Variants in PHIP observed in about 807,000 individuals in gnomAD.
The protein encoded by PHIP is PHIP subunit of CUL4-Ring ligase complex.
A neutral mutation model predicts 236.8 loss-of-function variants in PHIP; 54 were observed. That is an observed-to-expected ratio of 0.23 (90% CI 0.18 to 0.29). The LOEUF (loss-of-function observed/expected upper bound fraction) is 0.29, where lower values mean the gene tolerates loss of function less well. PHIP is among the 10% of genes least tolerant of loss of function. The pLI, the probability that PHIP is intolerant of heterozygous loss-of-function variation, is 1.00. For synonymous variants in PHIP, 756 were observed against 718.9 expected (o/e 1.05, Z -0.83); for missense variants, 1,370 against 2,190.8 (o/e 0.63, Z 7.48).
chr6:78,978,003 A>G (rs1213569641), intron 24 of PHIP, among the ~76,000 whole-genome samples: 3 of 152,184 alleles, frequency 2.0e-5, no homozygotes, highest in African/African-American at 4.8e-5. Context: ...AAATTTGTGT[A>G]CAAAACAAGG....
intron 4 of PHIP, among the ~76,000 whole-genome samples, chr6:79,064,184 T>A (rs936739193): frequency 6.6e-6 from 1 of 152,168 alleles, no homozygotes; most frequent in African/African-American, 2.4e-5. Context: ...CTTCTCTGAC[T>A]GCACGGAAAT....
chr6:79,048,449 T>TA (rs910116779), intron 6 of PHIP, among the ~76,000 whole-genome samples: 32 of 151,958 alleles, frequency 2.1e-4, no homozygotes, highest in African/African-American at 6.0e-4. Flanking sequence ...AAATACATGA[T>TA]AAAAAAAACC....
chr6:78,953,756 T>C (rs1160088645), intron 35 of PHIP, among the ~76,000 whole-genome samples: 1 of 152,186 alleles, frequency 6.6e-6, no homozygotes, highest in African/African-American at 2.4e-5. Context: ...CGGCTAATTT[T>C]TGTACTTTTA....
intron 30 of PHIP, 66 bp from the exon 31 acceptor site, chr6:78,961,876 G>C: frequency 7.8e-7 from 1 of 1,281,526 alleles, no homozygotes; most frequent in Non-Finnish European, 1.1e-6. Context: ...GAAGAATTCT[G>C]CTTGAATTAA....
Position 78,939,575 on chromosome 6 carries a change from A to G in PHIP, c.*1118T>C, listed in dbSNP as rs1018040011. The G allele has an allele frequency of 1.1e-4, 16 of 151,952 alleles. No individual in the cohort carries two copies. Among genetic ancestry groups the G allele is most frequent in the African/African-American group, 3.1e-4 (13 of 41,438 alleles). The allele number at this position is 151,952 out of a possible 1,614,324, so 9.4% of individuals were successfully genotyped here. The stretch of plus-strand genomic sequence containing the variant: ...AGAATTTATACCTGGGTAATAGTAT[A>G]TAAGTATGTGTTTGTATATATATTT... On this transcript the variant is annotated 3_prime_UTR_variant, in exon 40 of 40. Transcript: ENST00000275034.
At chr6:79,069,163 ACATT>A (rs1773767655) in intron 4 of PHIP, among the ~76,000 whole-genome samples, 1 of 148,382 alleles carries the variant, frequency 6.7e-6, no homozygotes, top group African/African-American at 2.4e-5. Flanking sequence ...TATTGTATAT[ACATT>A]AATTATATTT....
In PHIP at chr6:78,970,842, C is replaced by T. The variant is rs150931905; in HGVS notation, c.2936G>A (p.Arg979Gln). ...QGHEAYVEMA[R>Q]KNKIYSINPK... Reference sequence around the variant, plus strand: ...ATTGATACTATATATTTTATTTTTCCGGGCCATTTCGACATAGGCTTCATG... The same window carrying T: ...ATTGATACTATATATTTTATTTTTCTGGGCCATTTCGACATAGGCTTCATG... Residue 979 changes from arginine to glutamine, a missense_variant, in exon 25 of 40, where the codon CGG becomes CAG. Coordinates refer to ENST00000275034, the MANE Select transcript of PHIP (RefSeq NM_017934.7). 5.0e-5 allele frequency: 81 copies of T among 1,610,662 alleles called. No homozygotes were observed. The highest frequency in any genetic ancestry group is 3.5e-5 in the Non-Finnish European group (41 of 1,178,628).
intron 7 of PHIP, among the ~76,000 whole-genome samples, chr6:79,029,417 A>AGAC (rs1771555523): frequency 6.7e-6 from 1 of 148,650 alleles, no homozygotes; most frequent in African/African-American, 2.5e-5. Context: ...TAAGATGACT[A>AGAC]TACAATATAC....
At chr6:79,072,116 C>T (rs1328202532) in intron 4 of PHIP, among the ~76,000 whole-genome samples, 2 of 152,272 alleles carry the variant, frequency 1.3e-5, no homozygotes, top group East Asian at 1.9e-4. Context: ...TCTTCTCTGA[C>T]AGTTTCCAAA....
intron 6 of PHIP, among the ~76,000 whole-genome samples, chr6:79,053,944 A>G (rs1296391020): frequency 6.6e-6 from 1 of 152,174 alleles, no homozygotes; most frequent in Non-Finnish European, 1.5e-5. Flanking sequence ...AAACACAGCT[A>G]GCTACAAAAG....
chr6:79,050,328 C>T (rs915713362), intron 6 of PHIP, among the ~76,000 whole-genome samples: 1 of 152,142 alleles, frequency 6.6e-6, no homozygotes, highest in Non-Finnish European at 1.5e-5. Flanking sequence ...ATTTAATCCT[C>T]CCTAATCCTT....
chr6:78,947,012 T>A (rs904705205), intron 36 of PHIP, 138 bp from the exon 37 acceptor site: 11 of 514,094 alleles, frequency 2.1e-5, no homozygotes, highest in Non-Finnish European at 3.6e-5. Flanking sequence ...TTTTTCCTAA[T>A]CTTTTGATGA....
intron 6 of PHIP, among the ~76,000 whole-genome samples, chr6:79,043,619 T>C (rs1218810660): frequency 1.3e-5 from 2 of 152,112 alleles, no homozygotes; most frequent in Non-Finnish European, 2.9e-5. Flanking sequence ...AACTCATTCA[T>C]TCTAATCATT....
intron 4 of PHIP, among the ~76,000 whole-genome samples, chr6:79,075,396 C>G (rs1774100054): frequency 6.6e-6 from 1 of 152,106 alleles, no homozygotes. Flanking sequence ...TCTAAACTGT[C>G]TGATGAGTAT....
Position 79,001,953 on chromosome 6 carries a change from G to A in PHIP, c.1825C>T (p.Arg609Cys), listed in dbSNP as rs1367979332. 15 of 1,613,090 alleles carry A rather than the reference G, an allele frequency of 9.3e-6. No individual in the cohort carries two copies. The highest frequency in any genetic ancestry group is 1.3e-5 in the Non-Finnish European group (15 of 1,179,360). Residue 609 changes from arginine to cysteine, a missense_variant, in exon 17 of 40, where the codon CGT becomes TGT. This residue lies in a region of PHIP where 133 missense variants were observed against 245.2 expected (regional missense o/e 0.54). Coordinates refer to ENST00000275034, the MANE Select transcript of PHIP (RefSeq NM_017934.7). The stretch of plus-strand genomic sequence containing the variant: ...AGTTGCTCCTCCCTGCAATTTTCAC[G>A]GCCAGGAACTAATCTTTGATATCTT... ...PSRYQRLVPG[R>C]ENCREEQLIP...
chr6:78,943,989 T>TAAAAAAA (rs1424311614), intron 39 of PHIP, among the ~76,000 whole-genome samples: 1 of 46,852 alleles, frequency 2.1e-5, no homozygotes, highest in African/African-American at 7.0e-5. Flanking sequence ...CTGTCTTTTT[T>TAAAAAAA]TAAAAAAAAA....
At chr6:79,027,166 AAT>A (rs1771448637) in intron 7 of PHIP, among the ~76,000 whole-genome samples, 1 of 152,170 alleles carries the variant, frequency 6.6e-6, no homozygotes, top group Non-Finnish European at 1.5e-5. Context: ...AGTGACAATA[AAT>A]ATAACATATA....
At position 78,935,655 on chromosome 6, in the gene PHIP, T is replaced by G; in HGVS notation, c.*5038A>C. ...ACCTTCAGTTGTTTTGGAATTAAATTACATTTCGGCACCCAAATATCTTTT... is the reference window on the plus strand; with the variant it reads ...ACCTTCAGTTGTTTTGGAATTAAATGACATTTCGGCACCCAAATATCTTTT... On this transcript the variant is annotated 3_prime_UTR_variant, in exon 40 of 40. Coordinates refer to ENST00000275034, the MANE Select transcript of PHIP (RefSeq NM_017934.7). 1.0e-6 allele frequency: 1 copy of G among 983,714 alleles called. No homozygotes were observed. The highest frequency in any genetic ancestry group is 1.2e-6 in the Non-Finnish European group (1 of 828,386). The allele number at this position is 983,714 out of a possible 1,614,324, so 60.9% of individuals were successfully genotyped here.
chr6:79,058,556 T>C (rs919693026), intron 6 of PHIP, among the ~76,000 whole-genome samples: 1 of 152,124 alleles, frequency 6.6e-6, no homozygotes, highest in African/African-American at 2.4e-5. Flanking sequence ...ACAGTCTGGG[T>C]TGAATCCTGG....
Sources: gnomAD v4.1 joint callset for allele counts (sites outside exome capture counted in the v4.1 genomes callset) on GRCh38, gnomAD v4.1.1 for gene constraint, gnomAD v4.1.1 regional missense constraint, MANE v1.5 for transcripts, NCBI Gene and HGNC (gene_info 2026-07-23, HGNC 2026-07-21) for gene names.